GMDS: variants seen among roughly 807,000 people sequenced by gnomAD.
GMDS encodes the protein GDP-mannose 4,6-dehydratase, also known as GDP-mannose 4,6 dehydratase.
In GMDS, 20 loss-of-function variants were observed where a neutral mutation model predicts 49.9. The observed-to-expected ratio is 0.40, with a 90% CI of 0.28 to 0.58. The LOEUF is 0.58. Ranked by LOEUF, GMDS falls within the 20% of genes least tolerant of loss-of-function variation. The pLI is 0.42. For missense variants in GMDS, 362 were observed against 481.4 expected (o/e 0.75, Z 2.32); for synonymous variants, 177 against 178.6 (o/e 0.99, Z 0.07).
Position 2,192,208 on chromosome 6 carries a change from G to A in GMDS, c.102+53113C>T, listed in dbSNP as rs552735373. On this transcript the variant is annotated intron_variant, in intron 1 of 10. Transcript: ENST00000380815. The stretch of plus-strand genomic sequence containing the variant: ...CTGCTGACAGCTGAACACTTGTTGG[G>A]ATGACCAGCTGCAGAGAGGAGCTAC... 2.0e-5 allele frequency among the ~76,000 whole-genome samples: 3 copies of A among 152,286 alleles called. No homozygotes were observed. The South Asian group carries it at 6.2e-4, about 32-fold the overall frequency.
intron 9 of GMDS, among the ~76,000 whole-genome samples, chr6:1,649,706 C>A (rs2030037393): frequency 6.6e-6 from 1 of 152,210 alleles, no homozygotes; most frequent in Admixed American, 6.5e-5. Context: ...AAACACAAGG[C>A]CAATGACCCC....
intron 1 of GMDS, among the ~76,000 whole-genome samples, chr6:2,205,596 A>G (rs1200161115): frequency 6.6e-6 from 1 of 152,202 alleles, no homozygotes; most frequent in African/African-American, 2.4e-5. Context: ...TGACATCCAA[A>G]TGCCTACATT....
intron 1 of GMDS, among the ~76,000 whole-genome samples, chr6:2,140,322 C>T: frequency 6.6e-6 from 1 of 152,088 alleles, no homozygotes; most frequent in Non-Finnish European, 1.5e-5. Flanking sequence ...GGGATTCCAG[C>T]AGCCACTAGA....
intron 9 of GMDS, chr6:1,679,051 C>T (rs375170843): frequency 6.6e-6 from 1 of 152,232 alleles, no homozygotes; most frequent in African/African-American, 2.4e-5. Context: ...TAGCTCCAAA[C>T]ATGTGCATGC....
intron 9 of GMDS, among the ~76,000 whole-genome samples, chr6:1,676,179 A>G (rs1764617114): frequency 6.6e-6 from 1 of 152,230 alleles, no homozygotes; most frequent in Non-Finnish European, 1.5e-5. Flanking sequence ...ACTCCCATTC[A>G]CAATTGCTTC....
chr6:1,881,312 T>G (rs756153117), intron 7 of GMDS, among the ~76,000 whole-genome samples: 16 of 152,162 alleles, frequency 1.1e-4, no homozygotes, highest in Non-Finnish European at 1.9e-4. Context: ...AAGTATAATA[T>G]TTCACACTAT....
intron 4 of GMDS, among the ~76,000 whole-genome samples, chr6:2,082,747 TTC>T (rs1170550032): frequency 2.6e-5 from 4 of 152,238 alleles, no homozygotes; most frequent in Non-Finnish European, 5.9e-5. Flanking sequence ...TTTGTAAAAT[TTC>T]TGTTTTCAAC....
chr6:1,632,873 C>T (rs972127841), intron 9 of GMDS, among the ~76,000 whole-genome samples: 9 of 152,178 alleles, frequency 5.9e-5, no homozygotes, highest in Non-Finnish European at 1.0e-4. Flanking sequence ...AATGAGACTT[C>T]GCCTCTAAAG....
intron 4 of GMDS, among the ~76,000 whole-genome samples, chr6:2,041,745 T>C (rs531120021): frequency 6.6e-6 from 1 of 152,268 alleles, no homozygotes; most frequent in South Asian, 2.1e-4. Flanking sequence ...TAAACATCAA[T>C]TTTATACCAT....
chr6:2,140,396 A>AG (rs1461374478), intron 1 of GMDS, among the ~76,000 whole-genome samples: 1 of 152,208 alleles, frequency 6.6e-6, no homozygotes, highest in Non-Finnish European at 1.5e-5. Context: ...GGCCTTTCTG[A>AG]CATACACCTT....
chr6:1,642,350 G>A (rs908584480), intron 9 of GMDS, among the ~76,000 whole-genome samples: 5 of 151,674 alleles, frequency 3.3e-5, no homozygotes, highest in Admixed American at 6.6e-5. Flanking sequence ...TGTGTCTTTA[G>A]TAGAGACAGG....
At chr6:1,764,988 G>C (rs1483758733) in intron 7 of GMDS, among the ~76,000 whole-genome samples, 1 of 152,086 alleles carries the variant, frequency 6.6e-6, no homozygotes, top group Non-Finnish European at 1.5e-5. Context: ...TTGTTAAATA[G>C]TGTTCCTTTA....
At chr6:2,052,857 G>T (rs1162465058) in intron 4 of GMDS, among the ~76,000 whole-genome samples, 3 of 152,112 alleles carry the variant, frequency 2.0e-5, no homozygotes, top group African/African-American at 7.2e-5. Flanking sequence ...AATACAATAA[G>T]ACTGTCAGGC....
intron 4 of GMDS, among the ~76,000 whole-genome samples, chr6:2,086,673 T>C (rs1459978601): frequency 6.6e-5 from 10 of 152,274 alleles, no homozygotes; most frequent in Non-Finnish European, 1.3e-4. Context: ...GATTTTCTTC[T>C]GCCTGTGCAC....
intron 9 of GMDS, among the ~76,000 whole-genome samples, chr6:1,654,799 A>C (rs1763818640): frequency 1.3e-5 from 2 of 152,200 alleles, no homozygotes; most frequent in Non-Finnish European, 2.9e-5. Flanking sequence ...ATGGTGGCAC[A>C]AGCCTGTAAT....
intron 2 of GMDS, among the ~76,000 whole-genome samples, chr6:2,119,924 T>C (rs1481305355): frequency 1.3e-5 from 2 of 152,152 alleles, no homozygotes; most frequent in Non-Finnish European, 2.9e-5. Context: ...AACTTCAAAA[T>C]CCACAGTCAG....
At chr6:2,217,950 T>C (rs1371897341) in intron 1 of GMDS, among the ~76,000 whole-genome samples, 1 of 152,216 alleles carries the variant, frequency 6.6e-6, no homozygotes, top group Non-Finnish European at 1.5e-5. Context: ...TAATTTGGAC[T>C]CTGGAATTAT....
chr6:1,970,520 C>A (rs1764538793), intron 4 of GMDS, among the ~76,000 whole-genome samples: 1 of 152,178 alleles, frequency 6.6e-6, no homozygotes, highest in Admixed American at 6.5e-5. Context: ...CGCTACCCGA[C>A]CAGGAGCAGG....
chr6:1,929,615 T>C (rs1762192956), intron 7 of GMDS, among the ~76,000 whole-genome samples: 1 of 152,068 alleles, frequency 6.6e-6, no homozygotes, highest in Admixed American at 6.6e-5. Flanking sequence ...CAATATAACA[T>C]GTTAAGAAGT....
Sources: allele counts gnomAD v4.1 joint callset (sites outside exome capture counted in the v4.1 genomes callset), GRCh38; gene constraint gnomAD v4.1.1; transcripts MANE v1.5; gene names NCBI Gene and HGNC (gene_info 2026-07-23, HGNC 2026-07-21).